CUX1: variants seen among roughly 807,000 people sequenced by gnomAD.
The protein encoded by CUX1 is protein CASP.
CUX1 carries 31 observed loss-of-function variants against 158.8 expected under a neutral mutation model. The ratio of observed to expected loss-of-function variants is 0.20; its 90% CI spans 0.15 to 0.26. The LOEUF (loss-of-function observed/expected upper bound fraction) is 0.26. Among genes scored for constraint, CUX1 ranks in the 10% least tolerant of loss-of-function variants. The probability of loss-of-function intolerance (pLI) is 1.00; values close to 1 mark genes in which losing one functional copy is unlikely to be tolerated. For synonymous variants in CUX1, 879 were observed against 862.1 expected (o/e 1.02, Z -0.34); for missense variants, 1,589 against 2,014.6 (o/e 0.79, Z 4.04).
intron 2 of CUX1, among the ~76,000 whole-genome samples, chr7:101,998,145 T>C (rs1172623380): frequency 1.3e-5 from 2 of 152,194 alleles, no homozygotes; most frequent in East Asian, 3.9e-4. Flanking sequence ...TGCTGTAGGC[T>C]TCACAGTACA....
At chr7:101,938,409 T>C (rs1164707201) in intron 2 of CUX1, among the ~76,000 whole-genome samples, 1 of 152,238 alleles carries the variant, frequency 6.6e-6, no homozygotes, top group Non-Finnish European at 1.5e-5. Context: ...GCCTGGCCGA[T>C]ATCCACCATG....
chr7:102,048,214 C>G (rs961131961), intron 3 of CUX1, among the ~76,000 whole-genome samples: 3 of 152,076 alleles, frequency 2.0e-5, no homozygotes, highest in Non-Finnish European at 4.4e-5. Flanking sequence ...GCCTCTCCTC[C>G]CCTCCACCCT....
chr7:102,280,639 GACTGTGC>G (rs1282425456), intron 19 of CUX1, among the ~76,000 whole-genome samples: 1 of 152,142 alleles, frequency 6.6e-6, no homozygotes, highest in Non-Finnish European at 1.5e-5. Flanking sequence ...ACACTGAGTA[GACTGTGC>G]ACCCAGGGAA....
chr7:102,070,867 T>G (rs1468532212), intron 4 of CUX1, among the ~76,000 whole-genome samples: 3 of 152,094 alleles, frequency 2.0e-5, no homozygotes, highest in Admixed American at 6.5e-5. Flanking sequence ...GACAAGCCCT[T>G]CACTTAAGGG....
intron 10 of CUX1, among the ~76,000 whole-genome samples, chr7:102,171,500 T>C (rs1791716053): frequency 6.6e-6 from 1 of 150,692 alleles, no homozygotes; most frequent in African/African-American, 2.4e-5. Flanking sequence ...CAGGCTGGAG[T>C]GCAGTGGCGC....
At chr7:102,115,359 A>G in intron 8 of CUX1, 86 bp downstream of exon 8, 1 of 1,142,950 alleles carries the variant, frequency 8.7e-7, no homozygotes, top group Non-Finnish European at 1.3e-6. Flanking sequence ...AAGGTTCTTG[A>G]CCTCTGTGCT....
At position 101,857,594 on chromosome 7, in the gene CUX1, C is replaced by A. The variant is rs148634048; in HGVS notation, c.30+39925C>A. Reference sequence around the variant, plus strand: ...TGGGTTACTTTAAACTGGAACTGTTCTTTTCAGAAATGAGTGAAGCAGGAA... The same window carrying A: ...TGGGTTACTTTAAACTGGAACTGTTATTTTCAGAAATGAGTGAAGCAGGAA... On this transcript the variant is annotated intron_variant, in intron 1 of 23. Coordinates refer to ENST00000292535, the MANE Select transcript of CUX1 (RefSeq NM_181552.4). 9.2e-5 allele frequency among the ~76,000 whole-genome samples: 14 copies of A among 152,322 alleles called. No homozygotes were observed. The East Asian group carries it at 2.1e-3, about 23-fold the overall frequency.
At chr7:101,888,052 G>A (rs1800433426) in intron 1 of CUX1, among the ~76,000 whole-genome samples, 1 of 152,148 alleles carries the variant, frequency 6.6e-6, no homozygotes, top group South Asian at 2.1e-4. Flanking sequence ...ACATTATTGA[G>A]GCCGGGTGTG....
chr7:102,277,335 C>T (rs542463835), intron 17 of CUX1, among the ~76,000 whole-genome samples: 1 of 152,152 alleles, frequency 6.6e-6, no homozygotes, highest in Non-Finnish European at 1.5e-5. Flanking sequence ...GCAGCTCACG[C>T]CTATAATCCC....
intron 14 of CUX1, among the ~76,000 whole-genome samples, chr7:102,195,818 A>G (rs980101846): frequency 4.6e-5 from 7 of 152,114 alleles, no homozygotes; most frequent in Non-Finnish European, 4.4e-5. Context: ...GAGACGGGCC[A>G]GCCGCACAGG....
intron 4 of CUX1, among the ~76,000 whole-genome samples, chr7:102,071,763 G>A (rs1826162648): frequency 6.6e-6 from 1 of 152,186 alleles, no homozygotes; most frequent in South Asian, 2.1e-4. Context: ...ATGGCAGAAA[G>A]CACTTCGGAC....
At position 102,257,781 on chromosome 7, in the gene CUX1, C is replaced by A; in HGVS notation, c.*8739C>A. 1.0e-6 allele frequency: 1 copy of A among 984,670 alleles called. No homozygotes were observed. Among genetic ancestry groups the A allele is most frequent in the Middle Eastern group, 5.2e-4 (1 of 1,936 alleles). The allele number at this position is 984,670 out of a possible 1,614,324, so 61.0% of individuals were successfully genotyped here. A position where few individuals can be genotyped will look rare whatever the true frequency, so the allele number is the denominator to read the frequency against. On this transcript the variant is annotated 3_prime_UTR_variant, in exon 24 of 24. Coordinates refer to ENST00000292535, the MANE Select transcript of CUX1 (RefSeq NM_181552.4). ...GTATTTTATATTTTCTGTAACGCACCAAGTCTTAGATCTTTCTAGAGCTTG... is the reference window on the plus strand; with the variant it reads ...GTATTTTATATTTTCTGTAACGCACAAAGTCTTAGATCTTTCTAGAGCTTG...
chr7:102,250,320 C>T lies in CUX1; in HGVS notation c.*1278C>T, dbSNP rs1274950168. On this transcript the variant is annotated 3_prime_UTR_variant, in exon 24 of 24. Coordinates refer to ENST00000292535, the MANE Select transcript of CUX1 (RefSeq NM_181552.4). ...AGTTCCAGGGCCAGACGGGCCCATCCCCAAGTAGATAGCAGTCTACGGATC... is the reference window on the plus strand; with the variant it reads ...AGTTCCAGGGCCAGACGGGCCCATCTCCAAGTAGATAGCAGTCTACGGATC... 1.0e-6 allele frequency: 1 copy of T among 985,326 alleles called. No homozygotes were observed. The highest frequency in any genetic ancestry group is 1.7e-5 in the African/African-American group (1 of 57,208). 61.0% of individuals were successfully genotyped at this position (985,326 alleles called of 1,614,324 possible). A position where few individuals can be genotyped will look rare whatever the true frequency, so the allele number is the denominator to read the frequency against.
At chr7:101,962,581 G>C (rs538732407) in intron 2 of CUX1, among the ~76,000 whole-genome samples, 1 of 152,176 alleles carries the variant, frequency 6.6e-6, no homozygotes, top group Non-Finnish European at 1.5e-5. Flanking sequence ...TGCCCCTGTC[G>C]TGTCTGAAAG....
At chr7:102,199,661 G>A (rs139379487) in intron 16 of CUX1, among the ~76,000 whole-genome samples, 177 of 152,310 alleles carry the variant, frequency 1.2e-3, no homozygotes, top group South Asian at 3.7e-3. Flanking sequence ...CTCCTTTTCC[G>A]TTTATCCTGT....
intron 2 of CUX1, among the ~76,000 whole-genome samples, chr7:101,966,213 G>A (rs986107701): frequency 3.6e-4 from 55 of 151,680 alleles, no homozygotes; most frequent in Non-Finnish European, 6.8e-4. Context: ...CTACAGGTGC[G>A]CGTCACCATG....
At position 101,990,803 on chromosome 7, in the gene CUX1, C is replaced by T. The variant is rs184433221; in HGVS notation, c.142-37295C>T. ...TGAGCCCAGGGTTCTCCTACATCCC[C>T]TTCCGTGGTCAGGGAGGACTGCTGG... On this transcript the variant is annotated intron_variant, in intron 2 of 23. Coordinates refer to ENST00000292535, the MANE Select transcript of CUX1 (RefSeq NM_181552.4). Among the ~76,000 whole-genome samples, 8 of 152,306 alleles carry T rather than the reference C, an allele frequency of 5.3e-5. No individual in the cohort carries two copies. The East Asian group carries it at 1.5e-3, about 29-fold the overall frequency.
chr7:102,262,914 A>T (rs1441767221), downstream of CUX1, among the ~76,000 whole-genome samples: 2 of 152,122 alleles, frequency 1.3e-5, no homozygotes, highest in African/African-American at 4.8e-5. Context: ...TGTGGGAGGG[A>T]CAGACAGTAG....
intron 8 of CUX1, among the ~76,000 whole-genome samples, chr7:102,149,145 C>T (rs1554502874): frequency 6.6e-6 from 1 of 152,088 alleles, no homozygotes. Flanking sequence ...AAAGTTGTTA[C>T]AAAATTGAAC....
Sources: allele counts gnomAD v4.1 joint callset (sites outside exome capture counted in the v4.1 genomes callset), GRCh38; gene constraint gnomAD v4.1.1; transcripts MANE v1.5; gene names NCBI Gene and HGNC (gene_info 2026-07-23, HGNC 2026-07-21).